DCHS2: variants seen among roughly 807,000 people sequenced by gnomAD.
DCHS2 encodes protocadherin-23.
Under a neutral mutation model 182.4 loss-of-function variants are expected in DCHS2, and 142 were observed. The observed-to-expected ratio is 0.78, with a 90% confidence interval of 0.68 to 0.89. DCHS2 has a LOEUF of 0.89. Among genes scored for constraint, DCHS2 ranks in the 40% least tolerant of loss-of-function variants. DCHS2 has a pLI of 0.00. For missense variants in DCHS2, 4,319 were observed against 4,198.6 expected (o/e 1.03, Z -0.79); for synonymous variants, 1,740 against 1,663.3 (o/e 1.05, Z -1.12).
In DCHS2 at chr4:154,302,964, CACACCCACACACACACAT is replaced by C. The variant is rs1262501094; in HGVS notation, c.5605+1687_5605+1704del. ...ACACACACACACACACACACACACA[CACACCCACACACACACAT>C]ATTTTTTTTTTTTTTTGAGACAAAG... On this transcript the variant is annotated intron_variant, in intron 12 of 19. Coordinates refer to ENST00000357232, the MANE Select transcript of DCHS2 (RefSeq NM_001358235.2). Among the ~76,000 whole-genome samples, 4 of 43,888 alleles carry C rather than the reference CACACCCACACACACACAT, an allele frequency of 9.1e-5. No individual in the cohort carries two copies. The African/African-American group carries it at 9.7e-4, about 11-fold the overall frequency. The allele number at this position is 43,888 out of a possible 152,430, so 28.8% of individuals were successfully genotyped here. A position where few individuals can be genotyped will look rare whatever the true frequency, so the allele number is the denominator to read the frequency against.
intron 1 of DCHS2, among the ~76,000 whole-genome samples, chr4:154,411,178 T>G (rs7681004): frequency 0.027 from 4,115 of 152,290 alleles, 160 homozygotes; most frequent in South Asian, 0.14. Context: ...CAAAATCCTT[T>G]TTTAAAAGGT....
intron 14 of DCHS2, among the ~76,000 whole-genome samples, chr4:154,264,023 G>A (rs372632791): frequency 5.3e-5 from 8 of 152,052 alleles, no homozygotes; most frequent in African/African-American, 1.9e-4. Context: ...GTTTAAGCCT[G>A]AATTTATGGT....
intron 1 of DCHS2, among the ~76,000 whole-genome samples, chr4:154,476,553 G>C (rs547884355): frequency 6.6e-6 from 1 of 152,334 alleles, no homozygotes; most frequent in South Asian, 2.1e-4. Context: ...AATGTGCCCA[G>C]TTCTTCAAGT....
At chr4:154,270,998 G>A (rs748705129) in intron 13 of DCHS2, among the ~76,000 whole-genome samples, 4 of 152,152 alleles carry the variant, frequency 2.6e-5, no homozygotes, top group Non-Finnish European at 5.9e-5. Context: ...CAGAAATTCA[G>A]TTAGGTATAG....
intron 13 of DCHS2, among the ~76,000 whole-genome samples, chr4:154,285,550 G>C (rs6848622): frequency 0.98 from 149,163 of 152,294 alleles, 73,128 homozygotes; most frequent in Middle Eastern, 1. Context: ...CACAAGCTGA[G>C]TAAAGATTCC....
chr4:154,259,967 A>C (rs549607337), intron 14 of DCHS2, among the ~76,000 whole-genome samples: 43 of 152,046 alleles, frequency 2.8e-4, no homozygotes, highest in South Asian at 1.0e-3. Context: ...GAGTTACAGG[A>C]ACCCGCCACC....
chr4:154,378,125 A>G (rs1730996753), intron 1 of DCHS2, among the ~76,000 whole-genome samples: 1 of 152,108 alleles, frequency 6.6e-6, no homozygotes, highest in South Asian at 2.1e-4. Flanking sequence ...AGGCACAAAC[A>G]CTGACATGCC....
intron 13 of DCHS2, among the ~76,000 whole-genome samples, chr4:154,284,183 T>C (rs907427042): frequency 2.6e-5 from 4 of 152,340 alleles, no homozygotes; most frequent in African/African-American, 7.2e-5. Context: ...CAGCTCTTCA[T>C]GAAAACAGCA....
chr4:154,319,108 T>C (rs547852615), intron 9 of DCHS2, among the ~76,000 whole-genome samples: 1 of 152,230 alleles, frequency 6.6e-6, no homozygotes, highest in Non-Finnish European at 1.5e-5. Context: ...GCTAATCTCT[T>C]CAACAAATGA....
chr4:154,357,078 A>C, intron 3 of DCHS2: 2 of 585,730 alleles, frequency 3.4e-6, no homozygotes, highest in East Asian at 5.4e-5. Flanking sequence ...CTTTCTTGAC[A>C]AGCGCTAGTA....
intron 1 of DCHS2, among the ~76,000 whole-genome samples, chr4:154,444,873 T>A (rs1270129271): frequency 6.6e-6 from 1 of 152,200 alleles, no homozygotes; most frequent in Non-Finnish European, 1.5e-5. Flanking sequence ...CCAGCCACAG[T>A]GCCCTCCTGG....
intron 1 of DCHS2, among the ~76,000 whole-genome samples, chr4:154,410,574 C>CA (rs1160670540): frequency 0.069 from 2,424 of 35,312 alleles, 336 homozygotes; most frequent in Middle Eastern, 0.15. Context: ...GACTCCATCT[C>CA]AAAAAAAAAA....
Position 154,259,500 on chromosome 4 carries a change from CCACACACACACA to C in DCHS2, c.6789+33_6789+44del, listed in dbSNP as rs147630053. ...CTCTCTCTCTCTCACACAGACACACCCACACACACACACACACACACACACACAAATATATTT... is the reference window on the plus strand; with the variant it reads ...CTCTCTCTCTCTCACACAGACACACCCACACACACACACACAAATATATTT... On this transcript the variant is annotated intron_variant, in intron 15 of 19. Transcript: ENST00000357232. 902 of 1,411,020 alleles carry C rather than the reference CCACACACACACA, an allele frequency of 6.4e-4. 2 individuals are homozygous for C. The African/African-American group carries it at 0.01, about 16-fold the overall frequency. The allele number at this position is 1,411,020 out of a possible 1,614,324, so 87.4% of individuals were successfully genotyped here.
chr4:154,457,886 C>T (rs1036265852), intron 1 of DCHS2, among the ~76,000 whole-genome samples: 3 of 152,180 alleles, frequency 2.0e-5, no homozygotes, highest in African/African-American at 7.2e-5. Context: ...GGGACCACAC[C>T]TTGAGAACCA....
At chr4:154,456,150 A>C (rs548813501) in intron 1 of DCHS2, among the ~76,000 whole-genome samples, 1 of 152,010 alleles carries the variant, frequency 6.6e-6, no homozygotes, top group South Asian at 2.1e-4. Flanking sequence ...TTCTGTATAT[A>C]TAGTATATAG....
chr4:154,379,452 G>A (rs1464245721), intron 1 of DCHS2, among the ~76,000 whole-genome samples: 1 of 152,168 alleles, frequency 6.6e-6, no homozygotes, highest in Non-Finnish European at 1.5e-5. Context: ...TCTAGAATAT[G>A]TGAAGACAGG....
chr4:154,349,582 G>C (rs183858950), intron 3 of DCHS2, among the ~76,000 whole-genome samples: 1 of 152,260 alleles, frequency 6.6e-6, no homozygotes, highest in Admixed American at 6.5e-5. Flanking sequence ...GAGGATTTGT[G>C]ACAATGGACA....
intron 1 of DCHS2, among the ~76,000 whole-genome samples, chr4:154,380,665 CAAAA>C (rs1731127590): frequency 6.6e-6 from 1 of 152,052 alleles, no homozygotes; most frequent in South Asian, 2.1e-4. Flanking sequence ...TGTAAGGAGA[CAAAA>C]GTAGGATAAA....
At chr4:154,268,686 A>G (rs777872071) in intron 14 of DCHS2, among the ~76,000 whole-genome samples, 2 of 152,130 alleles carry the variant, frequency 1.3e-5, no homozygotes, top group African/African-American at 2.4e-5. Flanking sequence ...TTATTTTACT[A>G]TTGTCCATTA....
Sources: allele counts gnomAD v4.1 joint callset (sites outside exome capture counted in the v4.1 genomes callset), GRCh38; gene constraint gnomAD v4.1.1; transcripts MANE v1.5; gene names NCBI Gene and HGNC (gene_info 2026-07-23, HGNC 2026-07-21).